Variants in ITCH observed in about 807,000 individuals in gnomAD.
The protein encoded by ITCH is itchy E3 ubiquitin protein ligase.
In ITCH, 28 loss-of-function variants were observed where a neutral mutation model predicts 126.8. That is an observed-to-expected ratio of 0.22 (90% confidence interval 0.16 to 0.30). The LOEUF is 0.30. ITCH is among the 10% of genes least tolerant of loss of function. The probability of loss-of-function intolerance (pLI) is 1.00; values close to 1 mark genes in which losing one functional copy is unlikely to be tolerated. For synonymous variants in ITCH, 342 were observed against 340.0 expected (o/e 1.01, Z -0.06); for missense variants, 631 against 1,032.4 (o/e 0.61, Z 5.33).
rs369470723 is a variant in ITCH at position 34,426,247 on chromosome 20, C to T, written c.521+1722C>T. Among the ~76,000 whole-genome samples the T allele has an allele frequency of 3.5e-4, 53 of 152,106 alleles. No homozygotes were observed. In the East Asian group the frequency reaches 8.3e-3, roughly 24 times the overall value. ...AGGAGTAGTCAGAAGGGGAGAAGAA[C>T]GAGAAAAGTAATGTCACAGACTGTG... On this transcript the variant is annotated intron_variant, in intron 7 of 24. Coordinates refer to ENST00000374864, the MANE Select transcript of ITCH (RefSeq NM_031483.7).
intron 9 of ITCH, 65 bp from the exon 10 acceptor site, chr20:34,442,143 G>A: frequency 8.8e-7 from 1 of 1,139,210 alleles, no homozygotes; most frequent in Middle Eastern, 2.0e-4. Context: ...GAAATGCAAA[G>A]ACAGGATTAA....
chr20:34,477,655 C>CT (rs1276012437), intron 16 of ITCH, 117 bp from the exon 17 acceptor site: 2 of 853,292 alleles, frequency 2.3e-6, no homozygotes, highest in Non-Finnish European at 1.9e-6. Context: ...CCATGAACAC[C>CT]TTTCTGTGTC....
chr20:34,405,295 A>G (rs2039021927), intron 3 of ITCH, among the ~76,000 whole-genome samples: 1 of 152,174 alleles, frequency 6.6e-6, no homozygotes, highest in Admixed American at 6.5e-5. Flanking sequence ...ACCTGAGGTC[A>G]GGAGTTTGAC....
Position 34,507,887 on chromosome 20 carries a change from C to T in ITCH, c.*93C>T. ...CACATCTTGTAAAATTGGACAATGG[C>T]TCTTTAGAGAGTTATCTGAGTGTAA... On this transcript the variant is annotated 3_prime_UTR_variant, in exon 25 of 25. Transcript: ENST00000374864. 2 of 870,876 alleles carry T rather than the reference C, an allele frequency of 2.3e-6. No individual in the cohort carries two copies. The highest frequency in any genetic ancestry group is 2.7e-5 in the South Asian group (2 of 73,598). The allele number at this position is 870,876 out of a possible 1,614,324, so 53.9% of individuals were successfully genotyped here.
rs962506939 is a variant in ITCH, at chr20:34,402,128, AG to A, written c.71-6520del. The A allele has an allele frequency of 2.2e-5, 21 of 944,988 alleles. No individual in the cohort carries two copies. The African/African-American group carries it at 3.2e-4, about 15-fold the overall frequency. 58.5% of individuals were successfully genotyped at this position (944,988 alleles called of 1,614,324 possible). Reference sequence around the variant, plus strand: ...TGATGCCAACACCAGCTATGCAGAAAGGGCTCTGGAGAGATGTTCCTAGCAG... The same window carrying A: ...TGATGCCAACACCAGCTATGCAGAAAGGCTCTGGAGAGATGTTCCTAGCAG... On this transcript the variant is annotated intron_variant, in intron 3 of 24. Coordinates refer to ENST00000374864, the MANE Select transcript of ITCH (RefSeq NM_031483.7).
At chr20:34,368,052 C>T (rs1285003365) in intron 1 of ITCH, among the ~76,000 whole-genome samples, 1 of 152,078 alleles carries the variant, frequency 6.6e-6, no homozygotes, top group Non-Finnish European at 1.5e-5. Context: ...GGGCAGATCA[C>T]GAGGTCAGGA....
intron 4 of ITCH, among the ~76,000 whole-genome samples, chr20:34,411,682 G>A (rs1464539252): frequency 6.6e-6 from 1 of 152,146 alleles, no homozygotes; most frequent in Non-Finnish European, 1.5e-5. Context: ...ACATTAGAGA[G>A]AATGAGATAT....
intron 6 of ITCH, among the ~76,000 whole-genome samples, chr20:34,416,423 T>C (rs747376060): frequency 5.9e-5 from 9 of 152,000 alleles, no homozygotes; most frequent in East Asian, 1.9e-4. Flanking sequence ...AAAACAGTTA[T>C]AACAATATAC....
Position 34,381,088 on chromosome 20 carries a change from G to C in ITCH, c.-22+11618G>C, listed in dbSNP as rs575761442. On this transcript the variant is annotated intron_variant, in intron 2 of 24. Transcript: ENST00000374864. ...CCGGTGTGAGCCACTGCGCCTGTTT[G>C]AAATTTCAACTCTTTAGAAGACATC... Among the ~76,000 whole-genome samples, 5 of 151,940 alleles carry C rather than the reference G, an allele frequency of 3.3e-5. 1 individual carries two copies. In the South Asian group the frequency reaches 1.0e-3, roughly 32 times the overall value.
chr20:34,493,291 A>C (rs1368508399), intron 23 of ITCH, among the ~76,000 whole-genome samples: 1 of 152,230 alleles, frequency 6.6e-6, no homozygotes, highest in Non-Finnish European at 1.5e-5. Flanking sequence ...AGAACATGGA[A>C]CCAGTTTAGA....
At position 34,492,545 on chromosome 20, in the gene ITCH, G is replaced by A. The variant is rs1989588971; in HGVS notation, c.2364G>A (p.Gln788=). ...ATGAGAAGAGAATGAGACTTCTGCA[G>A]TTTGTTACTGGAACCTGCCGATTGC... ...IDNEKRMRLL[Q]FVTGTCRLPV... The change falls in exon 23 of 25, where the codon CAG becomes CAA. Residue 788 remains glutamine, a synonymous_variant. Transcript: ENST00000374864. 3 of 1,613,382 alleles carry A rather than the reference G, an allele frequency of 1.9e-6. No individual in the cohort carries two copies. The highest frequency in any genetic ancestry group is 2.5e-6 in the Non-Finnish European group (3 of 1,179,322).
intron 3 of ITCH, among the ~76,000 whole-genome samples, chr20:34,397,957 T>G (rs1376432029): frequency 6.6e-6 from 1 of 152,176 alleles, no homozygotes; most frequent in Non-Finnish European, 1.5e-5. Context: ...TTTTTTTCTT[T>G]GCATAAAGTG....
At chr20:34,436,226 T>C (rs1982987076) in intron 7 of ITCH, among the ~76,000 whole-genome samples, 1 of 152,212 alleles carries the variant, frequency 6.6e-6, no homozygotes, top group African/African-American at 2.4e-5. Context: ...ATGTGCAATT[T>C]AGTATGAATT....
At chr20:34,363,572 A>T (rs950760703) in intron 1 of ITCH, among the ~76,000 whole-genome samples, 2 of 152,096 alleles carry the variant, frequency 1.3e-5, no homozygotes, top group East Asian at 3.9e-4. Flanking sequence ...GTTCGGAGGG[A>T]TCAGTGTCTG....
intron 2 of ITCH, among the ~76,000 whole-genome samples, chr20:34,392,618 T>A (rs1368925636): frequency 6.6e-6 from 1 of 152,230 alleles, no homozygotes; most frequent in African/African-American, 2.4e-5. Flanking sequence ...TTCAAGGCAT[T>A]TTGTTTGCCT....
chr20:34,419,569 T>C (rs1395259284), intron 6 of ITCH, among the ~76,000 whole-genome samples: 1 of 152,002 alleles, frequency 6.6e-6, no homozygotes, highest in Non-Finnish European at 1.5e-5. Flanking sequence ...GCAACCTCCT[T>C]CCGGGTTCAG....
chr20:34,466,554 T>C (rs570654425), intron 14 of ITCH: 1 of 434,750 alleles, frequency 2.3e-6, no homozygotes, highest in Non-Finnish European at 4.4e-6. Context: ...ATAATATTAT[T>C]CTATCATTCA....
intron 2 of ITCH, among the ~76,000 whole-genome samples, chr20:34,372,893 A>G (rs1356902275): frequency 1.3e-5 from 2 of 152,112 alleles, no homozygotes; most frequent in Admixed American, 6.6e-5. Flanking sequence ...AAGTTGGTAA[A>G]TGTTACAAGA....
At chr20:34,415,334 G>C (rs998450364) in intron 6 of ITCH, among the ~76,000 whole-genome samples, 1 of 151,854 alleles carries the variant, frequency 6.6e-6, no homozygotes, top group African/African-American at 2.4e-5. Flanking sequence ...TGAGGCAGGA[G>C]GGTTACTTGA....
Sources: allele counts gnomAD v4.1 joint callset (sites outside exome capture counted in the v4.1 genomes callset), GRCh38; gene constraint gnomAD v4.1.1; transcripts MANE v1.5; gene names NCBI Gene and HGNC (gene_info 2026-07-23, HGNC 2026-07-21).